RARB: variants seen among roughly 807,000 people sequenced by gnomAD.
The protein encoded by RARB is retinoic acid receptor beta.
RARB carries 17 observed loss-of-function variants against 51.9 expected under a neutral mutation model. The observed-to-expected ratio is 0.33, with a 90% CI of 0.22 to 0.49. RARB has a LOEUF of 0.49. RARB is among the 20% of genes least tolerant of loss of function. The probability of loss-of-function intolerance (pLI) is 0.99; values close to 1 mark genes in which losing one functional copy is unlikely to be tolerated. For synonymous variants in RARB, 215 were observed against 195.4 expected, an observed-to-expected ratio of 1.10 and a Z score of -0.84; for missense variants, 369 against 550.8, an observed-to-expected ratio of 0.67 and a Z score of 3.30.
At chr3:25,520,436 G>T (rs1301594816) in intron 3 of RARB, among the ~76,000 whole-genome samples, 1 of 152,040 alleles carries the variant, frequency 6.6e-6, no homozygotes. Context: ...CCAAAATCTG[G>T]TCATTTTAGG....
chr3:25,456,680 T>G (rs373554072), intron 1 of RARB, among the ~76,000 whole-genome samples: 8,400 of 99,160 alleles, frequency 0.085, 314 homozygotes, highest in Middle Eastern at 0.12. Context: ...TATATATATA[T>G]ATAGAGAGAG....
chr3:25,116,351 C>CT (rs565512160), intron 3 of RARB, among the ~76,000 whole-genome samples: 14 of 151,318 alleles, frequency 9.3e-5, no homozygotes, highest in South Asian at 2.1e-4. Context: ...CCACCCTTCC[C>CT]TTTTTTTTTC....
At chr3:25,521,748 C>T (rs920014251) in intron 3 of RARB, among the ~76,000 whole-genome samples, 1 of 152,148 alleles carries the variant, frequency 6.6e-6, no homozygotes, top group African/African-American at 2.4e-5. Flanking sequence ...GTCTATAAAA[C>T]AAGGGCATTG....
intron 5 of RARB, among the ~76,000 whole-genome samples, chr3:25,219,201 A>G (rs1217215790): frequency 6.6e-6 from 1 of 152,086 alleles, no homozygotes; most frequent in East Asian, 1.9e-4. Flanking sequence ...GAAGTTTCCT[A>G]TTAAAGTCAT....
intron 2 of RARB, among the ~76,000 whole-genome samples, chr3:24,931,166 A>C (rs1695430749): frequency 6.6e-6 from 1 of 152,052 alleles, no homozygotes; most frequent in South Asian, 2.1e-4. Flanking sequence ...GTTGAACTGA[A>C]TGTATTCTAG....
intron 3 of RARB, among the ~76,000 whole-genome samples, chr3:25,062,547 A>C (rs1470808959): frequency 1.3e-5 from 2 of 151,248 alleles, no homozygotes; most frequent in Admixed American, 6.6e-5. Context: ...TATAACTGAA[A>C]ATCAAAGCCT....
At chr3:24,829,428 G>T (rs1702250269) in intron 1 of RARB, among the ~76,000 whole-genome samples, 1 of 152,168 alleles carries the variant, frequency 6.6e-6, no homozygotes, top group Non-Finnish European at 1.5e-5. Context: ...GCGCGCTGGC[G>T]GGTCTTCCTG....
chr3:25,064,441 C>A (rs977571054), intron 3 of RARB, among the ~76,000 whole-genome samples: 1 of 151,994 alleles, frequency 6.6e-6, no homozygotes, highest in East Asian at 1.9e-4. Context: ...TTTTAAATGT[C>A]TTTTTCACAT....
chr3:25,267,594 T>C (rs938804277), intron 5 of RARB, among the ~76,000 whole-genome samples: 1 of 152,212 alleles, frequency 6.6e-6, no homozygotes, highest in African/African-American at 2.4e-5. Flanking sequence ...GGTGTTTGGA[T>C]GCTGGAATCC....
chr3:25,050,366 A>G (rs953403278), intron 2 of RARB, among the ~76,000 whole-genome samples: 21 of 152,186 alleles, frequency 1.4e-4, no homozygotes, highest in African/African-American at 4.8e-4. Context: ...TTACCCAAGG[A>G]TCAATCCCAA....
At chr3:25,491,273 G>A (rs916567867) in intron 2 of RARB, among the ~76,000 whole-genome samples, 1 of 151,714 alleles carries the variant, frequency 6.6e-6, no homozygotes, top group African/African-American at 2.4e-5. Context: ...CACTCCCCCT[G>A]CACCCCCACC....
chr3:25,122,181 C>T (rs528736705), intron 3 of RARB, among the ~76,000 whole-genome samples: 1 of 151,938 alleles, frequency 6.6e-6, no homozygotes, highest in Non-Finnish European at 1.5e-5. Context: ...TGTTTTTCAG[C>T]AATTGTTGTG....
chr3:24,954,826 C>A (rs1047912149), intron 2 of RARB, among the ~76,000 whole-genome samples: 25 of 152,148 alleles, frequency 1.6e-4, no homozygotes, highest in African/African-American at 6.0e-4. Flanking sequence ...GGGTGTGACT[C>A]CTTTACCTGG....
At chr3:25,082,248 T>G (rs1228104409) in intron 3 of RARB, among the ~76,000 whole-genome samples, 1 of 152,126 alleles carries the variant, frequency 6.6e-6, no homozygotes, top group Non-Finnish European at 1.5e-5. Context: ...ATTTAGTCTG[T>G]TTATATGTTA....
At chr3:25,319,592 T>C (rs1704512564) in intron 5 of RARB, among the ~76,000 whole-genome samples, 1 of 152,208 alleles carries the variant, frequency 6.6e-6, no homozygotes, top group African/African-American at 2.4e-5. Flanking sequence ...GAGGGTCTTT[T>C]CCTCACAGGC....
intron 2 of RARB, among the ~76,000 whole-genome samples, chr3:24,997,152 T>TAC (rs1372595912): frequency 6.6e-6 from 1 of 151,506 alleles, no homozygotes; most frequent in African/African-American, 2.4e-5. Flanking sequence ...ATTGGGTGCA[T>TAC]ATATGTATTT....
chr3:24,905,798 TATTA>T (rs1263499931), intron 2 of RARB, among the ~76,000 whole-genome samples: 1 of 152,224 alleles, frequency 6.6e-6, no homozygotes, highest in African/African-American at 2.4e-5. Context: ...AGACATCCTA[TATTA>T]ATTTGATTAA....
intron 4 of RARB, among the ~76,000 whole-genome samples, chr3:25,172,993 C>G (rs1700672683): frequency 6.6e-6 from 1 of 152,182 alleles, no homozygotes; most frequent in South Asian, 2.1e-4. Context: ...TTAACAACTA[C>G]TCTATTCTGG....
At chr3:25,450,107 A>T (rs528661467) in intron 1 of RARB, among the ~76,000 whole-genome samples, 2 of 152,270 alleles carry the variant, frequency 1.3e-5, no homozygotes, top group South Asian at 2.1e-4. Context: ...TAGATGAAAA[A>T]TGCTTAGAGT....
Sources: allele counts gnomAD v4.1 joint callset (sites outside exome capture counted in the v4.1 genomes callset), GRCh38; gene constraint gnomAD v4.1.1; transcripts MANE v1.5; gene names NCBI Gene and HGNC (gene_info 2026-07-23, HGNC 2026-07-21).